Variants in EPHA6 observed in about 807,000 individuals in gnomAD.
The protein encoded by EPHA6 is EPH receptor A6.
In EPHA6, 50 loss-of-function variants were observed where a neutral mutation model predicts 112.0. The ratio of observed to expected loss-of-function variants is 0.45; its 90% CI spans 0.36 to 0.56. EPHA6 has a LOEUF of 0.56. Ranked by LOEUF, EPHA6 falls within the 20% of genes least tolerant of loss-of-function variation. The probability of loss-of-function intolerance (pLI) is 0.00; values close to 1 mark genes in which losing one functional copy is unlikely to be tolerated. For synonymous variants in EPHA6, 529 were observed against 490.7 expected, an observed-to-expected ratio of 1.08 and a Z score of -1.03; for missense variants, 1,280 against 1,417.4, an observed-to-expected ratio of 0.90 and a Z score of 1.56.
At chr3:97,569,902 T>C (rs911322533) in intron 11 of EPHA6, 39 of 152,328 alleles carry the variant, frequency 2.6e-4, no homozygotes, top group South Asian at 6.2e-4. Context: ...TTAACACCCA[T>C]GGCTTTTCTC....
chr3:96,814,836 T>A lies in EPHA6; in HGVS notation c.213T>A (p.Pro71=). 2 of 1,580,792 alleles carry A rather than the reference T, an allele frequency of 1.3e-6. No homozygotes were observed. Among genetic ancestry groups the A allele is most frequent in the South Asian group, 1.1e-5 (1 of 87,566 alleles). ...AAGACGTGGACAAGGACCCCCATCC[T>A]ACCCAGAACACCTGCCTGCGCTGCC... ...EEEDVDKDPH[P]TQNTCLRCRH... Residue 71 remains proline (P), a synonymous_variant, in exon 1 of 18, where the codon CCT becomes CCA. Coordinates refer to ENST00000389672, the MANE Select transcript of EPHA6 (RefSeq NM_001080448.3).
At chr3:97,123,525 T>C (rs1382054614) in intron 3 of EPHA6, among the ~76,000 whole-genome samples, 2 of 152,054 alleles carry the variant, frequency 1.3e-5, no homozygotes, top group Non-Finnish European at 2.9e-5. Flanking sequence ...TGGCAATACA[T>C]GTGTGGGTCC....
chr3:97,261,887 T>C (rs138984800), intron 5 of EPHA6, among the ~76,000 whole-genome samples: 5 of 152,292 alleles, frequency 3.3e-5, no homozygotes, highest in African/African-American at 9.6e-5. Context: ...GATTATATAG[T>C]TAATACATGG....
chr3:97,538,360 A>G (rs1185191588), intron 11 of EPHA6, among the ~76,000 whole-genome samples: 4 of 152,186 alleles, frequency 2.6e-5, no homozygotes, highest in African/African-American at 7.2e-5. Context: ...AATGGTTTCC[A>G]TAAGTAAAAA....
intron 10 of EPHA6, among the ~76,000 whole-genome samples, chr3:97,488,811 C>T (rs563432819): frequency 6.6e-6 from 1 of 152,264 alleles, no homozygotes; most frequent in South Asian, 2.1e-4. Context: ...TTCTTGAAAA[C>T]TTTGCATGTT....
Position 97,035,402 on chromosome 3 carries a change from A to T in EPHA6, c.1114+47409A>T, listed in dbSNP as rs138142294. Among the ~76,000 whole-genome samples, 67 of 152,152 alleles carry T rather than the reference A, an allele frequency of 4.4e-4. 1 individual carries two copies. The East Asian group carries it at 7.6e-3, about 17-fold the overall frequency. ...TAGGTTTTGGTGGTACATAACTTTA[A>T]TAGACACTAGGACTTTTTACATAGT... On this transcript the variant is annotated intron_variant, in intron 3 of 17. Transcript: ENST00000389672.
At position 97,598,338 on chromosome 3, in the gene EPHA6, A is replaced by C. The variant is rs1410347465; in HGVS notation, c.2512+5601A>C. Among the ~76,000 whole-genome samples, 135 of 151,046 alleles carry C rather than the reference A, an allele frequency of 8.9e-4. 1 individual carries two copies. The highest frequency in any genetic ancestry group is 1.4e-3 in the Non-Finnish European group (96 of 67,786). The stretch of plus-strand genomic sequence containing the variant: ...GTGCAGGTTAATTACATATGTATAC[A>C]TGTGCCATGCTGGTGCGCTGCACCC... On this transcript the variant is annotated intron_variant, in intron 12 of 17. Transcript: ENST00000389672.
rs1387887036 is a variant in EPHA6, at chr3:97,132,788, G to T, written c.1115-93476G>T. ...GTGTGGCTCTGAGTAGAAGAATATTGTCCTGTAGTAAAGTAGAATGTAGGC... is the reference window on the plus strand; with the variant it reads ...GTGTGGCTCTGAGTAGAAGAATATTTTCCTGTAGTAAAGTAGAATGTAGGC... On this transcript the variant is annotated intron_variant, in intron 3 of 17. Transcript: ENST00000389672. 2.6e-5 allele frequency among the ~76,000 whole-genome samples: 4 copies of T among 151,960 alleles called. No homozygotes were observed. In the East Asian group the frequency reaches 7.7e-4, roughly 29 times the overall value.
At chr3:96,994,750 G>C (rs563516786) in intron 3 of EPHA6, among the ~76,000 whole-genome samples, 12 of 138,528 alleles carry the variant, frequency 8.7e-5, no homozygotes, top group African/African-American at 3.4e-4. Context: ...GAGAGAGAGA[G>C]AGAGAGAGAG....
intron 3 of EPHA6, among the ~76,000 whole-genome samples, chr3:97,008,957 G>A (rs1321533391): frequency 2.0e-5 from 3 of 152,062 alleles, no homozygotes; most frequent in Non-Finnish European, 4.4e-5. Context: ...CCTGCCTGGA[G>A]ATACCATTCA....
chr3:97,024,893 T>C (rs2044585011), intron 3 of EPHA6, among the ~76,000 whole-genome samples: 1 of 152,210 alleles, frequency 6.6e-6, no homozygotes, highest in Non-Finnish European at 1.5e-5. Context: ...AGTGACAAAC[T>C]ATCTGGTTTC....
At chr3:97,091,536 T>G (rs1273890905) in intron 3 of EPHA6, among the ~76,000 whole-genome samples, 1 of 152,152 alleles carries the variant, frequency 6.6e-6, no homozygotes, top group Non-Finnish European at 1.5e-5. Context: ...ATAGATTCTG[T>G]GTCCAAGAGA....
intron 11 of EPHA6, among the ~76,000 whole-genome samples, chr3:97,575,966 G>A (rs1409113769): frequency 4.6e-5 from 7 of 152,052 alleles, no homozygotes; most frequent in Admixed American, 3.9e-4. Context: ...ATTAGAAGAC[G>A]ACTCTGAGGA....
chr3:97,156,056 A>T (rs1348561521), intron 3 of EPHA6, among the ~76,000 whole-genome samples: 2 of 152,170 alleles, frequency 1.3e-5, no homozygotes, highest in Non-Finnish European at 2.9e-5. Flanking sequence ...TTTGCCATAT[A>T]AGGTAATGTT....
intron 3 of EPHA6, among the ~76,000 whole-genome samples, chr3:97,100,234 GTTTATATATATCTATATAT>G (rs1369356733): frequency 6.7e-6 from 1 of 149,350 alleles, no homozygotes; most frequent in African/African-American, 2.4e-5. Flanking sequence ...AATAAATATA[GTTTATATATATCTATATAT>G]TTTATATATA....
chr3:97,587,227 T>C (rs1253027835), intron 11 of EPHA6, among the ~76,000 whole-genome samples: 3 of 151,128 alleles, frequency 2.0e-5, no homozygotes, highest in Non-Finnish European at 1.5e-5. Flanking sequence ...GGCAACAGAA[T>C]GAGACTCCGT....
intron 11 of EPHA6, among the ~76,000 whole-genome samples, chr3:97,591,909 T>G (rs1473284037): frequency 6.6e-6 from 1 of 152,048 alleles, no homozygotes; most frequent in Admixed American, 6.6e-5. Flanking sequence ...AACTAGATGA[T>G]CTCTACACTG....
chr3:96,893,740 C>T (rs564820166), intron 2 of EPHA6, among the ~76,000 whole-genome samples: 5 of 152,304 alleles, frequency 3.3e-5, no homozygotes, highest in African/African-American at 1.2e-4. Context: ...GTCTAGCCTT[C>T]TCAGCACCAT....
In EPHA6 at chr3:97,730,095, C is replaced by A. The variant is rs575884309; in HGVS notation, c.2935-5830C>A. ...TATAACATAAAAATGTGATACCCTG[C>A]ACAGTCTAAGCAGTCCTTGCTCAAT... is the stretch of plus-strand genomic sequence containing the variant. On this transcript the variant is annotated intron_variant, in intron 15 of 17. Coordinates refer to ENST00000389672, the MANE Select transcript of EPHA6 (RefSeq NM_001080448.3). Among the ~76,000 whole-genome samples, 39 of 152,186 alleles carry A rather than the reference C, an allele frequency of 2.6e-4. No homozygotes were observed. The East Asian group carries it at 7.6e-3, about 30-fold the overall frequency.
Sources: gnomAD v4.1 joint callset for allele counts (sites outside exome capture counted in the v4.1 genomes callset) on GRCh38, gnomAD v4.1.1 for gene constraint, MANE v1.5 for transcripts, NCBI Gene and HGNC (gene_info 2026-07-23, HGNC 2026-07-21) for gene names.